RGS6: variants seen among roughly 807,000 people sequenced by gnomAD.
RGS6 encodes regulator of G-protein signaling 6.
RGS6 carries 30 observed loss-of-function variants against 78.5 expected under a neutral mutation model. That is an observed-to-expected ratio of 0.38 (90% CI 0.29 to 0.52). The LOEUF is 0.52. RGS6 is among the 20% of genes least tolerant of loss of function. The pLI is 0.85. For missense variants in RGS6, 495 were observed against 609.7 expected, an observed-to-expected ratio of 0.81 and a Z score of 1.98; for synonymous variants, 206 against 206.0, an observed-to-expected ratio of 1.00 and a Z score of 0.00.
intron 3 of RGS6, among the ~76,000 whole-genome samples, chr14:72,427,958 C>T (rs1047136048): frequency 9.9e-5 from 15 of 152,200 alleles, no homozygotes; most frequent in Non-Finnish European, 1.8e-4. Flanking sequence ...CTCATTTTCC[C>T]TTCCAACCCC....
chr14:72,561,523 G>A (rs750065933), intron 17 of RGS6, among the ~76,000 whole-genome samples: 4 of 152,214 alleles, frequency 2.6e-5, no homozygotes, highest in Non-Finnish European at 5.9e-5. Context: ...GCAAAGCGAC[G>A]GAGCCTCGCT....
chr14:71,898,783 T>G, the RGS6 span, among the ~76,000 whole-genome samples: 1 of 152,158 alleles, frequency 6.6e-6, no homozygotes, highest in Non-Finnish European at 1.5e-5. Flanking sequence ...TCTGTTCCTG[T>G]GTTAGTTTGC....
At chr14:72,301,234 T>G (rs2152405969) in intron 2 of RGS6, among the ~76,000 whole-genome samples, 1 of 152,292 alleles carries the variant, frequency 6.6e-6, no homozygotes, top group East Asian at 1.9e-4. Context: ...CCTTGACCAA[T>G]GTAAATAAAT....
At chr14:72,321,574 T>C (rs1233083146) in intron 2 of RGS6, among the ~76,000 whole-genome samples, 38 of 151,792 alleles carry the variant, frequency 2.5e-4, no homozygotes, top group Admixed American at 2.5e-3. Context: ...TAAAACAAGG[T>C]TGAATTTAGA....
chr14:72,550,517 G>A (rs758467297), intron 17 of RGS6: 49 of 1,535,584 alleles, frequency 3.2e-5, no homozygotes, highest in South Asian at 5.9e-5. Context: ...ACATTACACT[G>A]GGAAATGGAG....
intron 1 of RGS6, among the ~76,000 whole-genome samples, chr14:71,943,240 T>C (rs774534055): frequency 1.3e-5 from 2 of 152,180 alleles, no homozygotes; most frequent in Non-Finnish European, 2.9e-5. Flanking sequence ...TAATTGTGTT[T>C]CTGAACCTTA....
At chr14:72,417,252 A>G (rs1015871906) in intron 3 of RGS6, among the ~76,000 whole-genome samples, 2 of 152,204 alleles carry the variant, frequency 1.3e-5, no homozygotes, top group African/African-American at 2.4e-5. Flanking sequence ...GTCATTGTCA[A>G]ATATTCTCTG....
chr14:72,329,047 ATT>A (rs1260197152), intron 2 of RGS6, among the ~76,000 whole-genome samples: 2 of 151,838 alleles, frequency 1.3e-5, no homozygotes, highest in African/African-American at 4.8e-5. Flanking sequence ...AATTTTTTAT[ATT>A]TTTTAGTAGA....
the RGS6 span, among the ~76,000 whole-genome samples, chr14:72,602,436 C>A: frequency 2.0e-5 from 3 of 152,120 alleles, no homozygotes; most frequent in African/African-American, 7.2e-5. Context: ...ATTTCTCAGA[C>A]GAGGAAATTG....
rs550374673 is a variant in RGS6 at position 72,362,398 on chromosome 14, ATTT to A, written c.184+10205_184+10207del. ...ACTATAATTGCTTACAACTACAGTGATTTATTGTTTCTTATGATTATGATTCCA... is the reference window on the plus strand; with the variant it reads ...ACTATAATTGCTTACAACTACAGTGAATTGTTTCTTATGATTATGATTCCA... On this transcript the variant is annotated intron_variant, in intron 3 of 17. Coordinates refer to ENST00000553525, the MANE Select transcript of RGS6 (RefSeq NM_001204424.2). Among the ~76,000 whole-genome samples the A allele has an allele frequency of 4.9e-4, 74 of 152,304 alleles. 1 individual carries two copies. Among genetic ancestry groups the A allele is most frequent in the African/African-American group, 1.7e-3 (72 of 41,558 alleles).
chr14:72,021,322 T>G (rs1169705964), intron 2 of RGS6, among the ~76,000 whole-genome samples: 1 of 152,138 alleles, frequency 6.6e-6, no homozygotes, highest in East Asian at 1.9e-4. Context: ...CTGCTAGTCT[T>G]GCTCTTCTCA....
At chr14:72,484,911 C>A (rs540911254) in intron 12 of RGS6, among the ~76,000 whole-genome samples, 2 of 150,936 alleles carry the variant, frequency 1.3e-5, no homozygotes, top group East Asian at 3.9e-4. Context: ...CAGAGTGTAC[C>A]CCTGGTAGCC....
chr14:72,036,203 T>G (rs201498888), intron 2 of RGS6, among the ~76,000 whole-genome samples: 5 of 115,230 alleles, frequency 4.3e-5, no homozygotes, highest in African/African-American at 1.8e-4. Context: ...TGTAAACATA[T>G]TATTATTATT....
chr14:72,241,189 A>G (rs752149307), intron 2 of RGS6, among the ~76,000 whole-genome samples: 26 of 150,294 alleles, frequency 1.7e-4, no homozygotes, highest in Non-Finnish European at 3.5e-4. Flanking sequence ...TATGCCTTTT[A>G]TGAGAGCAAG....
At chr14:72,010,811 G>A (rs2085513539) in intron 2 of RGS6, among the ~76,000 whole-genome samples, 1 of 152,172 alleles carries the variant, frequency 6.6e-6, no homozygotes, top group South Asian at 2.1e-4. Flanking sequence ...TAACCTGAAG[G>A]AACGTGATGT....
chr14:72,100,786 T>G (rs2095512905), intron 2 of RGS6, among the ~76,000 whole-genome samples: 1 of 152,190 alleles, frequency 6.6e-6, no homozygotes, highest in Non-Finnish European at 1.5e-5. Context: ...CTCCTACCAT[T>G]TATCTTAATG....
chr14:72,462,269 A>C (rs1302029802), intron 6 of RGS6, among the ~76,000 whole-genome samples: 1 of 152,136 alleles, frequency 6.6e-6, no homozygotes, highest in African/African-American at 2.4e-5. Context: ...TTGAGTATTC[A>C]AAGGTTTTAT....
chr14:72,154,278 A>G (rs1765796073), intron 2 of RGS6, among the ~76,000 whole-genome samples: 1 of 152,036 alleles, frequency 6.6e-6, no homozygotes, highest in Non-Finnish European at 1.5e-5. Context: ...CTGATTTCAT[A>G]TTGTTCAAAC....
At chr14:72,087,363 T>C (rs923092979) in intron 2 of RGS6, among the ~76,000 whole-genome samples, 1 of 152,132 alleles carries the variant, frequency 6.6e-6, no homozygotes, top group African/African-American at 2.4e-5. Context: ...ACTCCTTACC[T>C]CAAGTGATCT....
Sources: allele counts gnomAD v4.1 joint callset (sites outside exome capture counted in the v4.1 genomes callset), GRCh38; gene constraint gnomAD v4.1.1; transcripts MANE v1.5; gene names NCBI Gene and HGNC (gene_info 2026-07-23, HGNC 2026-07-21).